COL5A1: variants seen among roughly 807,000 people sequenced by gnomAD.
COL5A1 encodes the protein collagen alpha-1(V) chain.
A neutral mutation model predicts 263.7 loss-of-function variants in COL5A1; 16 were observed. That is an observed-to-expected ratio of 0.06 (90% CI 0.04 to 0.09). The LOEUF is 0.09. Among genes scored for constraint, COL5A1 ranks in the 10% least tolerant of loss-of-function variants. The pLI is 1.00. For missense variants in COL5A1, 2,036 were observed against 2,540.5 expected, an observed-to-expected ratio of 0.80 and a Z score of 4.27; for synonymous variants, 1,012 against 1,004.5, an observed-to-expected ratio of 1.01 and a Z score of -0.14.
rs141115304 is a variant in COL5A1, at chr9:134,692,801, C to T, written c.277+1722C>T. On this transcript the variant is annotated intron_variant, in intron 2 of 65. Transcript: ENST00000371817. ...TAAATAATCTAGGATCAGCTGGGCG[C>T]GGTGGCTCACCCTGTAATCCCAGCA... 1.1e-3 allele frequency among the ~76,000 whole-genome samples: 171 copies of T among 152,242 alleles called. No homozygotes were observed. The Middle Eastern group carries it at 0.031, about 27-fold the overall frequency.
At chr9:134,814,583 G>C (rs1210131258) in intron 49 of COL5A1, among the ~76,000 whole-genome samples, 1 of 152,196 alleles carries the variant, frequency 6.6e-6, no homozygotes, top group African/African-American at 2.4e-5. Context: ...GAGGGCCCCA[G>C]AAAGTGAAGG....
intron 11 of COL5A1, among the ~76,000 whole-genome samples, chr9:134,748,464 G>A (rs146418678): frequency 6.6e-6 from 1 of 152,306 alleles, no homozygotes; most frequent in Non-Finnish European, 1.5e-5. Flanking sequence ...GCTTGTCCTT[G>A]GGAGACACTG....
At chr9:134,660,101 T>G (rs1564371490) in intron 1 of COL5A1, among the ~76,000 whole-genome samples, 1 of 152,142 alleles carries the variant, frequency 6.6e-6, no homozygotes, top group African/African-American at 2.4e-5. Flanking sequence ...TGGGCCACGA[T>G]CCACATCTTT....
In COL5A1 at chr9:134,765,097, G is replaced by A. The variant is rs1296845507; in HGVS notation, c.2035-584G>A. Among the ~76,000 whole-genome samples, 1 of 152,102 alleles carries A rather than the reference G, an allele frequency of 6.6e-6. No individual in the cohort carries two copies. The highest frequency in any genetic ancestry group is 1.9e-4 in the East Asian group (1 of 5,178). On this transcript the variant is annotated intron_variant, in intron 20 of 65. Transcript: ENST00000371817. The surrounding 1 kb of genome is among the most constrained non-coding windows in gnomAD (Gnocchi z 5.1). ...GGTTCTGCACGAGCCTCGCCGACCGGAGAGGGCGTGCCAGCTCTTGCCCAG... is the reference window on the plus strand; with the variant it reads ...GGTTCTGCACGAGCCTCGCCGACCGAAGAGGGCGTGCCAGCTCTTGCCCAG...
rs1833495653 is a variant in COL5A1 at position 134,696,925 on chromosome 9, G to C, written c.278-2984G>C. On this transcript the variant is annotated intron_variant, in intron 2 of 65. Transcript: ENST00000371817. This position sits in a 1 kb window ranked among gnomAD's most constrained non-coding sequence, Gnocchi z 4.3. ...CCCTACTAAAAATACAAAAAAATTA[G>C]CCAGGCTTGGTGGCGGGTGCCTGTA... Among the ~76,000 whole-genome samples the C allele has an allele frequency of 6.6e-6, 1 of 152,072 alleles. No individual in the cohort carries two copies. The highest frequency in any genetic ancestry group is 1.5e-5 in the Non-Finnish European group (1 of 68,016).
intron 44 of COL5A1, among the ~76,000 whole-genome samples, chr9:134,811,103 A>T (rs553716976): frequency 6.6e-6 from 1 of 152,060 alleles, no homozygotes; most frequent in East Asian, 1.9e-4. Context: ...TGGTCTCGAG[A>T]GACATTGGGG....
chr9:134,760,078 A>ACC (rs1439677962), intron 18 of COL5A1, among the ~76,000 whole-genome samples: 155 of 99,308 alleles, frequency 1.6e-3, no homozygotes, highest in East Asian at 7.3e-3. Context: ...ATACATGCAC[A>ACC]CACGCATACA....
At chr9:134,710,501 G>GA (rs1833987658) in intron 4 of COL5A1, among the ~76,000 whole-genome samples, 2 of 147,104 alleles carry the variant, frequency 1.4e-5, no homozygotes, top group Admixed American at 6.7e-5. Flanking sequence ...TGGGGGAGGA[G>GA]CCCCATTTGT....
rs368945793 is a variant in COL5A1, at chr9:134,804,961, G to A, written c.3115-14G>A. Reference sequence around the variant, plus strand: ...ACTGGCTCCAGGAAAGCTCATCTCTGACTCTGTTTTCAGGGTGACCCAGGC... The same window carrying A: ...ACTGGCTCCAGGAAAGCTCATCTCTAACTCTGTTTTCAGGGTGACCCAGGC... On this transcript the variant is annotated splice_polypyrimidine_tract_variant and intron_variant, in intron 39 of 65. Coordinates refer to ENST00000371817, the MANE Select transcript of COL5A1 (RefSeq NM_000093.5). 161 of 1,610,820 alleles carry A rather than the reference G, an allele frequency of 1.0e-4. No individual in the cohort carries two copies. The African/African-American group carries it at 1.9e-3, about 19-fold the overall frequency.
intron 4 of COL5A1, among the ~76,000 whole-genome samples, chr9:134,705,952 G>A (rs868231919): frequency 2.0e-5 from 3 of 152,204 alleles, no homozygotes; most frequent in East Asian, 1.9e-4. Context: ...CGAGTGCTCC[G>A]GGGCGCCTCC....
At chr9:134,655,895 A>G (rs1307240577) in intron 1 of COL5A1, among the ~76,000 whole-genome samples, 1 of 152,158 alleles carries the variant, frequency 6.6e-6, no homozygotes, top group African/African-American at 2.4e-5. Flanking sequence ...GTCCTGGCAC[A>G]GAGGGCTGGT....
At chr9:134,799,194 G>C (rs1219723065) in intron 37 of COL5A1, among the ~76,000 whole-genome samples, 3 of 152,212 alleles carry the variant, frequency 2.0e-5, no homozygotes, top group Admixed American at 6.5e-5. Context: ...AAGGACTCCA[G>C]TGTTTTCAGT....
chr9:134,760,341 ACC>A (rs1283380162), intron 18 of COL5A1, among the ~76,000 whole-genome samples: 35 of 73,630 alleles, frequency 4.8e-4, no homozygotes, highest in African/African-American at 2.0e-3. Context: ...ATGCACACAC[ACC>A]CCCACACACC....
chr9:134,798,946 G>A (rs1271062583), intron 37 of COL5A1, among the ~76,000 whole-genome samples: 2 of 152,248 alleles, frequency 1.3e-5, no homozygotes, highest in Non-Finnish European at 2.9e-5. Flanking sequence ...GAGGGCGGCT[G>A]TGGGCCATGC....
rs1292548365 is a variant in COL5A1, at chr9:134,822,930, G to C, written c.4609-68G>C. On this transcript the variant is annotated intron_variant, in intron 59 of 65. Transcript: ENST00000371817. ...CGAGGGGCGAGACCAGGCTGGGCAG[G>C]ACATGGAGCACGGTGGGGCTGGAGC... 5.7e-6 allele frequency: 9 copies of C among 1,586,152 alleles called. No individual in the cohort carries two copies. The Admixed American group carries it at 1.0e-4, about 18-fold the overall frequency.
intron 1 of COL5A1, among the ~76,000 whole-genome samples, chr9:134,646,501 C>T (rs915599889): frequency 3.3e-5 from 5 of 152,342 alleles, no homozygotes; most frequent in Non-Finnish European, 2.9e-5. Context: ...CTCTCCTGGG[C>T]GGCTCCCTTG....
In COL5A1 at chr9:134,794,971, C is replaced by T. The variant is rs1285823176; in HGVS notation, c.2701-111C>T. On this transcript the variant is annotated intron_variant, in intron 32 of 65. Transcript: ENST00000371817. The surrounding 1 kb of genome is among the most constrained non-coding windows in gnomAD (Gnocchi z 4.3). ...GGTGGGTGGCGGGGAGGCCCAGGTT[C>T]CTCCTATCCTGCTCTGAATTCACAG... is the stretch of plus-strand genomic sequence containing the variant. 1 of 1,224,794 alleles carries T rather than the reference C, an allele frequency of 8.2e-7. No homozygotes were observed. The allele number at this position is 1,224,794 out of a possible 1,614,324, so 75.9% of individuals were successfully genotyped here. A position where few individuals can be genotyped will look rare whatever the true frequency, so the allele number is the denominator to read the frequency against.
intron 2 of COL5A1, among the ~76,000 whole-genome samples, chr9:134,697,527 G>C (rs917828534): frequency 6.6e-6 from 1 of 152,148 alleles, no homozygotes; most frequent in Non-Finnish European, 1.5e-5. Context: ...ACGGGAGCCA[G>C]GTGGCCCTTT....
At chr9:134,651,749 G>A (rs1266814588) in intron 1 of COL5A1, among the ~76,000 whole-genome samples, 1 of 152,204 alleles carries the variant, frequency 6.6e-6, no homozygotes, top group Non-Finnish European at 1.5e-5. Flanking sequence ...GACAGGCGCG[G>A]GACAGAGGGG....
Sources: allele counts gnomAD v4.1 joint callset (sites outside exome capture counted in the v4.1 genomes callset), GRCh38; gene constraint gnomAD v4.1.1; non-coding constraint Gnocchi (gnomAD v3.1); transcripts MANE v1.5; gene names NCBI Gene and HGNC (gene_info 2026-07-23, HGNC 2026-07-21).